MYO3A: variants seen among roughly 807,000 people sequenced by gnomAD.
The protein encoded by MYO3A is myosin-IIIa.
Under a neutral mutation model 192.7 loss-of-function variants are expected in MYO3A, and 180 were observed. The ratio of observed to expected loss-of-function variants is 0.93; its 90% CI spans 0.83 to 1.06. The LOEUF is 1.06. Ranked by LOEUF, MYO3A falls within the 50% of genes least tolerant of loss-of-function variation. MYO3A has a pLI of 0.00. For missense variants in MYO3A, 1,896 were observed against 1,905.0 expected (o/e 1.00, Z 0.09); for synonymous variants, 628 against 645.3 (o/e 0.97, Z 0.41).
intron 4 of MYO3A, among the ~76,000 whole-genome samples, chr10:25,957,168 CA>C (rs796638024): frequency 2.1e-3 from 320 of 152,236 alleles, no homozygotes; most frequent in African/African-American, 7.1e-3. Context: ...TGTCCCCACC[CA>C]AACCTCATCT....
At chr10:26,052,339 C>T (rs1844053466) in intron 10 of MYO3A, among the ~76,000 whole-genome samples, 1 of 152,120 alleles carries the variant, frequency 6.6e-6, no homozygotes, top group Non-Finnish European at 1.5e-5. Context: ...AGAGAAAAGT[C>T]TCCAGGAATG....
intron 26 of MYO3A, among the ~76,000 whole-genome samples, chr10:26,165,434 TC>T (rs1436090567): frequency 6.6e-6 from 1 of 152,212 alleles, no homozygotes; most frequent in Non-Finnish European, 1.5e-5. Flanking sequence ...CCTTAATTCA[TC>T]CCCTTCCCCA....
chr10:25,965,591 C>G (rs1456519101), intron 4 of MYO3A, among the ~76,000 whole-genome samples: 1 of 152,004 alleles, frequency 6.6e-6, no homozygotes, highest in Non-Finnish European at 1.5e-5. Context: ...TCTCTGGGCC[C>G]TAGTGCAGCA....
At chr10:26,019,901 C>T (rs1255770154) in intron 7 of MYO3A, among the ~76,000 whole-genome samples, 1 of 152,162 alleles carries the variant, frequency 6.6e-6, no homozygotes. Context: ...TACTGTTTCC[C>T]TCAGTACTTC....
Position 26,021,539 on chromosome 10 carries a change from G to A in MYO3A, c.622G>A (p.Asp208Asn), listed in dbSNP as rs748274779. The stretch of plus-strand genomic sequence containing the variant: ...TGAACAGCAATTGGATACCACTTAT[G>A]ACGCCAGATGTGACACTTGGTCCCT... ...ACEQQLDTTY[D>N]ARCDTWSLGI... is the part of the protein sequence containing the mutation. The change falls in exon 8 of 35, where the codon GAC becomes AAC. Residue 208 changes from aspartate (D) to asparagine (N), a missense_variant. Asp to Asn is a conservative substitution (Grantham distance 23). Transcript: ENST00000642920. The A allele has an allele frequency of 1.2e-5, 19 of 1,614,024 alleles. No individual in the cohort carries two copies. The South Asian group carries it at 2.1e-4, about 18-fold the overall frequency.
At chr10:26,064,674 G>A (rs1834705157) in intron 10 of MYO3A, among the ~76,000 whole-genome samples, 1 of 152,060 alleles carries the variant, frequency 6.6e-6, no homozygotes, top group African/African-American at 2.4e-5. Flanking sequence ...GGGGGATGGT[G>A]GGGAGAAATG....
intron 10 of MYO3A, among the ~76,000 whole-genome samples, chr10:26,039,083 C>T (rs1843188353): frequency 1.3e-5 from 2 of 151,976 alleles, no homozygotes; most frequent in Non-Finnish European, 2.9e-5. Flanking sequence ...TCTTGTTGCC[C>T]AGGCTGGAGT....
chr10:25,943,004 C>T (rs1037684198), intron 2 of MYO3A, among the ~76,000 whole-genome samples: 1 of 151,570 alleles, frequency 6.6e-6, no homozygotes, highest in African/African-American at 2.4e-5. Flanking sequence ...GTGTCATATC[C>T]GAGAAATCAT....
intron 2 of MYO3A, among the ~76,000 whole-genome samples, chr10:25,951,010 C>T (rs1470374293): frequency 6.6e-6 from 1 of 152,040 alleles, no homozygotes. Context: ...AAGAGCATTA[C>T]TTGGAAGAAA....
At chr10:25,956,649 A>G (rs1370348482) in intron 4 of MYO3A, among the ~76,000 whole-genome samples, 1 of 151,970 alleles carries the variant, frequency 6.6e-6, no homozygotes, top group Non-Finnish European at 1.5e-5. Context: ...TCTACAAATA[A>G]TAGATGATCA....
At chr10:26,014,860 C>T (rs1219523924) in intron 6 of MYO3A, among the ~76,000 whole-genome samples, 1 of 152,094 alleles carries the variant, frequency 6.6e-6, no homozygotes, top group Non-Finnish European at 1.5e-5. Flanking sequence ...AGGGTTATAG[C>T]AAATTGAGTT....
Position 26,212,141 on chromosome 10 carries a change from C to T in MYO3A, c.*178C>T. 3 of 957,706 alleles carry T rather than the reference C, an allele frequency of 3.1e-6. No homozygotes were observed. The highest frequency in any genetic ancestry group is 2.1e-5 in the South Asian group (1 of 47,474). The allele number at this position is 957,706 out of a possible 1,614,324, so 59.3% of individuals were successfully genotyped here. ...CCGGGCCGGCCTTCGTGCTCCGAAA[C>T]AAGAGACCTGGGAGCCCTCGGGAAA... On this transcript the variant is annotated 3_prime_UTR_variant, in exon 35 of 35. Transcript: ENST00000642920.
chr10:26,011,736 G>A (rs187087133), intron 6 of MYO3A, among the ~76,000 whole-genome samples: 79 of 152,270 alleles, frequency 5.2e-4, no homozygotes, highest in African/African-American at 1.9e-3. Context: ...GACTGAGAAA[G>A]AAGGATTCCT....
Position 26,202,275 on chromosome 10 carries a change from C to G in MYO3A, c.4587-689C>G, listed in dbSNP as rs1200574816. ...CTGAAAGTCCTTTTTAGATTAGTAT[C>G]TGTAATTTGAAAAGTGTGTTTTCCT... On this transcript the variant is annotated intron_variant, in intron 33 of 34. Transcript: ENST00000642920. Among the ~76,000 whole-genome samples, 5 of 152,168 alleles carry G rather than the reference C, an allele frequency of 3.3e-5. No individual in the cohort carries two copies. The East Asian group carries it at 5.8e-4, about 18-fold the overall frequency.
chr10:25,972,162 C>CCTTCTT (rs1442820927), intron 4 of MYO3A, among the ~76,000 whole-genome samples: 3 of 152,008 alleles, frequency 2.0e-5, no homozygotes, highest in Admixed American at 6.6e-5. Context: ...TACCTTCATT[C>CCTTCTT]CTTCTTCTTT....
At chr10:26,098,103 A>G (rs7900089) in intron 17 of MYO3A, among the ~76,000 whole-genome samples, 45,421 of 151,864 alleles carry the variant, frequency 0.3, 7,203 homozygotes, top group Middle Eastern at 0.44. Context: ...TTTAATGATC[A>G]CCATTCTAAC....
At chr10:26,146,354 C>A (rs1157956723) in intron 22 of MYO3A, among the ~76,000 whole-genome samples, 5 of 152,176 alleles carry the variant, frequency 3.3e-5, no homozygotes, top group African/African-American at 1.2e-4. Flanking sequence ...CTAAAGTTAT[C>A]TAAAGAAACA....
In MYO3A at chr10:26,051,912, C is replaced by G. The variant is rs917005962; in HGVS notation, c.954-15063C>G. ...CAAAGCTGAAAATATTTATCTGATC[C>G]TTTACATAAAATGTGCCCTGGAGTA... On this transcript the variant is annotated intron_variant, in intron 10 of 34. Coordinates refer to ENST00000642920, the MANE Select transcript of MYO3A (RefSeq NM_017433.5). Among the ~76,000 whole-genome samples the G allele has an allele frequency of 4.6e-5, 7 of 152,172 alleles. 1 individual carries two copies. The highest frequency in any genetic ancestry group is 3.9e-4 in the Admixed American group (6 of 15,272).
At chr10:26,189,386 A>G (rs1843017286) in intron 31 of MYO3A, among the ~76,000 whole-genome samples, 1 of 152,226 alleles carries the variant, frequency 6.6e-6, no homozygotes, top group Non-Finnish European at 1.5e-5. Flanking sequence ...TAACAGGTTT[A>G]AAATGGCTTG....
Sources: allele counts gnomAD v4.1 joint callset (sites outside exome capture counted in the v4.1 genomes callset), GRCh38; gene constraint gnomAD v4.1.1; transcripts MANE v1.5; gene names NCBI Gene and HGNC (gene_info 2026-07-23, HGNC 2026-07-21).